Variants in SLC12A2 observed in about 807,000 individuals in gnomAD.
The protein encoded by SLC12A2 is Na-K-2Cl cotransporter 1.
A neutral mutation model predicts 136.3 loss-of-function variants in SLC12A2; 67 were observed. The observed-to-expected ratio is 0.49, with a 90% CI of 0.40 to 0.60. The LOEUF is 0.60. Among genes scored for constraint, SLC12A2 ranks in the 20% least tolerant of loss-of-function variants. SLC12A2 has a pLI of 0.00. For missense variants in SLC12A2, 1,322 were observed against 1,534.7 expected (o/e 0.86, Z 2.32); for synonymous variants, 619 against 562.9 (o/e 1.10, Z -1.41).
chr5:128,086,679 G>C (rs1760110373), intron 1 of SLC12A2, among the ~76,000 whole-genome samples: 1 of 151,990 alleles, frequency 6.6e-6, no homozygotes, highest in Admixed American at 6.6e-5. Context: ...CTGTTTTATT[G>C]GCTTAACTAA....
chr5:128,121,623 AT>A (rs1220567067), intron 4 of SLC12A2, among the ~76,000 whole-genome samples: 1 of 151,992 alleles, frequency 6.6e-6, no homozygotes, highest in East Asian at 1.9e-4. Flanking sequence ...CGCCCGGCTG[AT>A]TTGGGGTACT....
At chr5:128,140,329 TC>T (rs1466539257) in intron 9 of SLC12A2, among the ~76,000 whole-genome samples, 1 of 152,148 alleles carries the variant, frequency 6.6e-6, no homozygotes, top group Non-Finnish European at 1.5e-5. Flanking sequence ...AATTTGGATT[TC>T]ATTTATCCTT....
At chr5:128,161,985 G>A (rs968284727) in intron 17 of SLC12A2, among the ~76,000 whole-genome samples, 185 bp downstream of exon 17, 1 of 152,206 alleles carries the variant, frequency 6.6e-6, no homozygotes, top group Non-Finnish European at 1.5e-5. Context: ...GACACTGAAA[G>A]TAAACTACTT....
chr5:128,160,004 A>G (rs1333928608), intron 16 of SLC12A2, among the ~76,000 whole-genome samples: 2 of 152,220 alleles, frequency 1.3e-5, no homozygotes, highest in East Asian at 3.8e-4. Flanking sequence ...CCCATCAATG[A>G]TAGACTGGAT....
intron 12 of SLC12A2, among the ~76,000 whole-genome samples, chr5:128,149,706 A>G (rs1762638926): frequency 1.3e-5 from 2 of 151,918 alleles, no homozygotes; most frequent in African/African-American, 2.4e-5. Flanking sequence ...CAGTACTATT[A>G]TGATGCATAT....
chr5:128,118,237 A>G (rs910089719), intron 4 of SLC12A2, among the ~76,000 whole-genome samples: 1 of 152,210 alleles, frequency 6.6e-6, no homozygotes, highest in Non-Finnish European at 1.5e-5. Context: ...ACAAAGGAAA[A>G]TAAGTCATTA....
Position 128,102,662 on chromosome 5 carries a change from GAGTGCAGTGGTGTGATCACAGCTC to G in SLC12A2, c.757-10144_757-10121del, listed in dbSNP as rs372364796. The stretch of plus-strand genomic sequence containing the variant: ...TAGTCTCACTCTCTTGCCCAGGCTG[GAGTGCAGTGGTGTGATCACAGCTC>G]AGTGCAGCCTCAACCTCCTGGGCTC... On this transcript the variant is annotated intron_variant, in intron 1 of 26. Transcript: ENST00000262461. Among the ~76,000 whole-genome samples the G allele has an allele frequency of 2.9e-4, 37 of 128,420 alleles. No individual in the cohort carries two copies. The East Asian group carries it at 8.3e-3, about 29-fold the overall frequency. The allele number at this position is 128,420 out of a possible 152,430, so 84.2% of individuals were successfully genotyped here. A position where few individuals can be genotyped will look rare whatever the true frequency, so the allele number is the denominator to read the frequency against.
In SLC12A2 at chr5:128,134,224, A is replaced by G; in HGVS notation, c.1248A>G (p.Thr416=). The G allele has an allele frequency of 6.2e-7, 1 of 1,608,738 alleles. No homozygotes were observed. The highest frequency in any genetic ancestry group is 8.5e-7 in the Non-Finnish European group (1 of 1,175,414). ...ATATCCGAATTATTGGAGCCATTAC[A>G]GTCGTGATTCTTTTAGGTATCTCAG... The part of the protein sequence containing the change: ...INDIRIIGAI[T]VVILLGISVA... The change falls in exon 6 of 27, where the codon ACA becomes ACG. Residue 416 remains threonine, a synonymous_variant. Transcript: ENST00000262461.
intron 1 of SLC12A2, among the ~76,000 whole-genome samples, chr5:128,086,459 C>G (rs990974077): frequency 2.1e-4 from 32 of 152,120 alleles, no homozygotes; most frequent in Non-Finnish European, 3.2e-4. Context: ...ATAAAAATGA[C>G]CATGTTCAGT....
rs1449684687 is a variant in SLC12A2, at chr5:128,083,776, G to T, written c.-179G>T. On this transcript the variant is annotated 5_prime_UTR_variant, in exon 1 of 27. Transcript: ENST00000262461. ...CGCCCCGCGCCCGCCACACTCGCGC[G>T]CTCGCTCGGCTGCCGGTGGCCTCTG... 2.0e-5 allele frequency: 8 copies of T among 400,230 alleles called. No homozygotes were observed. The highest frequency in any genetic ancestry group is 6.7e-4 in the Middle Eastern group (1 of 1,482). The allele number at this position is 400,230 out of a possible 1,614,324, so 24.8% of individuals were successfully genotyped here. A position where few individuals can be genotyped will look rare whatever the true frequency, so the allele number is the denominator to read the frequency against.
intron 18 of SLC12A2, chr5:128,169,267 T>C (rs1398834660): frequency 6.6e-6 from 1 of 152,210 alleles, no homozygotes; most frequent in East Asian, 1.9e-4. Context: ...GCTTTAAGAT[T>C]AAAGTTTAAG....
chr5:128,089,687 A>G (rs950339964), intron 1 of SLC12A2, among the ~76,000 whole-genome samples: 7 of 152,218 alleles, frequency 4.6e-5, no homozygotes, highest in Non-Finnish European at 1.0e-4. Flanking sequence ...GTTTATCTTC[A>G]TACAGAGAAT....
In SLC12A2 at chr5:128,083,804, G is replaced by GC. The variant is rs1018085399; in HGVS notation, c.-149dup. The GC allele has an allele frequency of 3.7e-6, 2 of 547,112 alleles. No homozygotes were observed. The highest frequency in any genetic ancestry group is 5.4e-6 in the Non-Finnish European group (2 of 370,220). The allele number at this position is 547,112 out of a possible 1,614,324, so 33.9% of individuals were successfully genotyped here. On this transcript the variant is annotated 5_prime_UTR_variant, in exon 1 of 27. Coordinates refer to ENST00000262461, the MANE Select transcript of SLC12A2 (RefSeq NM_001046.3). ...CGCTCGGCTGCCGGTGGCCTCTGTGGCCGTCCAGGCTAGCGGCGGCCCGCA... is the reference window on the plus strand; with the variant it reads ...CGCTCGGCTGCCGGTGGCCTCTGTGGCCCGTCCAGGCTAGCGGCGGCCCGCA...
chr5:128,179,793 A>G (rs376231392), intron 22 of SLC12A2, among the ~76,000 whole-genome samples: 1 of 151,944 alleles, frequency 6.6e-6, no homozygotes, highest in African/African-American at 2.4e-5. Flanking sequence ...GATTAATTAC[A>G]GTTCACCGTG....
intron 15 of SLC12A2, among the ~76,000 whole-genome samples, chr5:128,154,609 C>A (rs1370929493): frequency 6.6e-6 from 1 of 152,098 alleles, no homozygotes; most frequent in Non-Finnish European, 1.5e-5. Flanking sequence ...GCTTGTCTTG[C>A]TGCAGAGTAG....
chr5:128,149,497 A>C (rs747948229), intron 12 of SLC12A2, among the ~76,000 whole-genome samples: 3 of 151,838 alleles, frequency 2.0e-5, no homozygotes, highest in Non-Finnish European at 4.4e-5. Flanking sequence ...ATATACAATA[A>C]TGTTTCTAGT....
chr5:128,084,107 G>A lies in SLC12A2; in HGVS notation c.153G>A (p.Arg51=). ...SVPEDAAPAS[R]DGGGVRDEGP... ...CGGAGGATGCTGCGCCCGCGAGCCG[G>A]GACGGCGGCGGGGTCCGCGATGAGG... Residue 51 remains arginine (R), a synonymous_variant, in exon 1 of 27, where the codon CGG becomes CGA. Transcript: ENST00000262461. This position sits in a 1 kb window ranked among gnomAD's most constrained non-coding sequence, Gnocchi z 5.6. 1.5e-6 allele frequency: 2 copies of A among 1,311,464 alleles called. No homozygotes were observed. The highest frequency in any genetic ancestry group is 2.2e-5 in the South Asian group (1 of 45,264). 81.2% of individuals were successfully genotyped at this position (1,311,464 alleles called of 1,614,324 possible). A position where few individuals can be genotyped will look rare whatever the true frequency, so the allele number is the denominator to read the frequency against.
chr5:128,137,156 C>A (rs1000780834), intron 7 of SLC12A2, among the ~76,000 whole-genome samples: 1 of 152,140 alleles, frequency 6.6e-6, no homozygotes, highest in Non-Finnish European at 1.5e-5. Flanking sequence ...TATGACCCTA[C>A]TTTGGTTTTC....
chr5:128,150,890 T>G (rs1203485813), intron 13 of SLC12A2, among the ~76,000 whole-genome samples: 2 of 151,984 alleles, frequency 1.3e-5, no homozygotes, highest in Non-Finnish European at 2.9e-5. Flanking sequence ...TAAAGCCTAG[T>G]TACTACTAAG....
Sources: allele counts gnomAD v4.1 joint callset (sites outside exome capture counted in the v4.1 genomes callset), GRCh38; gene constraint gnomAD v4.1.1; non-coding constraint Gnocchi (gnomAD v3.1); transcripts MANE v1.5; gene names NCBI Gene and HGNC (gene_info 2026-07-23, HGNC 2026-07-21).